Variants in LUC7L3 observed in about 807,000 individuals in gnomAD.
LUC7L3 encodes the protein luc7-like protein 3.
In LUC7L3, 6 loss-of-function variants were observed where a neutral mutation model predicts 66.8. That is an observed-to-expected ratio of 0.09 (90% CI 0.05 to 0.18). The LOEUF (loss-of-function observed/expected upper bound fraction) is 0.18. Ranked by LOEUF, LUC7L3 falls within the 10% of genes least tolerant of loss-of-function variation. The pLI is 1.00. For synonymous variants in LUC7L3, 160 were observed against 174.7 expected (o/e 0.92, Z 0.66); for missense variants, 341 against 531.1 (o/e 0.64, Z 3.52).
intron 9 of LUC7L3, among the ~76,000 whole-genome samples, chr17:50,749,716 T>C (rs1456058291): frequency 6.6e-6 from 1 of 152,198 alleles, no homozygotes; most frequent in Non-Finnish European, 1.5e-5. Context: ...ACATTTTCTG[T>C]AGAAATTTTT....
chr17:50,746,894 G>T (rs780040257), intron 9 of LUC7L3, among the ~76,000 whole-genome samples, 192 bp downstream of exon 9: 5 of 152,142 alleles, frequency 3.3e-5, no homozygotes, highest in Non-Finnish European at 7.4e-5. Context: ...AGTTTATCTG[G>T]TGTTTTCTTA....
intron 9 of LUC7L3, chr17:50,749,119 C>G: frequency 2.2e-6 from 2 of 897,058 alleles, no homozygotes; most frequent in Non-Finnish European, 1.5e-6. Context: ...GTAAGGTGCT[C>G]TCTTTGTCAA....
At chr17:50,731,410 C>T (rs564874905) in intron 1 of LUC7L3, among the ~76,000 whole-genome samples, 3 of 152,140 alleles carry the variant, frequency 2.0e-5, no homozygotes, top group East Asian at 1.9e-4. Flanking sequence ...TCAGGTGATC[C>T]GCCTGCCTCC....
chr17:50,744,594 T>C, intron 6 of LUC7L3, 58 bp from the exon 7 acceptor site: 4 of 1,498,184 alleles, frequency 2.7e-6, no homozygotes, highest in East Asian at 2.3e-5. Context: ...TTGAGTACTT[T>C]CCTGGGATTT....
chr17:50,734,460 C>G (rs150388070), intron 1 of LUC7L3, among the ~76,000 whole-genome samples: 135 of 152,262 alleles, frequency 8.9e-4, no homozygotes, highest in Middle Eastern at 3.4e-3. Flanking sequence ...AGCCACTGTG[C>G]CCAGCCTTTA....
rs1437436908 is a variant in LUC7L3, at chr17:50,751,775, A to G, written c.*1114A>G. 1 of 1,021,366 alleles carries G rather than the reference A, an allele frequency of 9.8e-7. No homozygotes were observed. Among genetic ancestry groups the G allele is most frequent in the Non-Finnish European group, 1.2e-6 (1 of 851,028 alleles). 63.3% of individuals were successfully genotyped at this position (1,021,366 alleles called of 1,614,324 possible). A position where few individuals can be genotyped will look rare whatever the true frequency, so the allele number is the denominator to read the frequency against. On this transcript the variant is annotated 3_prime_UTR_variant, in exon 10 of 10. Transcript: ENST00000505658. The stretch of plus-strand genomic sequence containing the variant: ...GCAGCAGTGTGAATAGCAAGGACAG[A>G]CACCTTCAATTTGTGAAATCAAAGA...
At chr17:50,737,815 A>G (rs962839353) in intron 2 of LUC7L3, among the ~76,000 whole-genome samples, 1 of 152,180 alleles carries the variant, frequency 6.6e-6, no homozygotes, top group Admixed American at 6.5e-5. Flanking sequence ...TTCTGGAGAA[A>G]TTGGACTAGA....
chr17:50,742,571 C>T (rs969174837), intron 5 of LUC7L3, among the ~76,000 whole-genome samples: 6 of 152,156 alleles, frequency 3.9e-5, no homozygotes, highest in African/African-American at 1.4e-4. Context: ...GCTGGCCAAG[C>T]TGGTCTCAAA....
intron 1 of LUC7L3, 129 bp downstream of exon 1, chr17:50,719,960 C>T (rs991073585): frequency 3.9e-6 from 3 of 765,508 alleles, no homozygotes; most frequent in Non-Finnish European, 6.0e-6. Context: ...TGACCCGGTG[C>T]CCATGGAGCC....
chr17:50,739,612 C>G (rs1970214395), intron 2 of LUC7L3, among the ~76,000 whole-genome samples: 1 of 151,950 alleles, frequency 6.6e-6, no homozygotes, highest in Non-Finnish European at 1.5e-5. Context: ...CAAAATTGCG[C>G]CGCTGCACTC....
chr17:50,728,640 G>A (rs1350825241), intron 1 of LUC7L3, among the ~76,000 whole-genome samples: 2 of 152,146 alleles, frequency 1.3e-5, no homozygotes, highest in African/African-American at 2.4e-5. Flanking sequence ...GCAAACCTCC[G>A]CTTCCCAGGT....
chr17:50,746,791 A>C, intron 9 of LUC7L3, 89 bp downstream of exon 9: 1 of 1,097,366 alleles, frequency 9.1e-7, no homozygotes, highest in Non-Finnish European at 1.3e-6. Flanking sequence ...GCAAAGATCC[A>C]TTTCATACAT....
intron 4 of LUC7L3, 170 bp downstream of exon 4, chr17:50,741,416 T>C (rs1970340143): frequency 1.4e-6 from 1 of 738,342 alleles, no homozygotes; most frequent in South Asian, 2.3e-5. Context: ...AACATAACAC[T>C]GATTTTGCTA....
chr17:50,748,593 G>A (rs149165584), intron 9 of LUC7L3, among the ~76,000 whole-genome samples: 1 of 151,994 alleles, frequency 6.6e-6, no homozygotes, highest in African/African-American at 2.4e-5. Context: ...TAAAGTGCTG[G>A]GGTTATAGGT....
intron 1 of LUC7L3, among the ~76,000 whole-genome samples, chr17:50,735,880 C>G (rs1969953525): frequency 6.6e-6 from 1 of 152,208 alleles, no homozygotes; most frequent in Non-Finnish European, 1.5e-5. Context: ...CACCTGTAAT[C>G]CCAGCACGTT....
At position 50,740,208 on chromosome 17, in the gene LUC7L3, CCTTTTT is replaced by C. The variant is rs1437128448; in HGVS notation, c.167-91_167-86del. ...CAAACTACTCAGTGATAAAGTGAAT[CCTTTTT>C]CTTTTTAAAAAGAAAAATAACTCTT... On this transcript the variant is annotated intron_variant, in intron 2 of 9. Coordinates refer to ENST00000505658, the MANE Select transcript of LUC7L3 (RefSeq NM_016424.5). The C allele has an allele frequency of 9.0e-6, 8 of 893,294 alleles. No individual in the cohort carries two copies. In the Admixed American group the frequency reaches 1.3e-4, roughly 14 times the overall value. 55.3% of individuals were successfully genotyped at this position (893,294 alleles called of 1,614,324 possible).
Position 50,740,303 on chromosome 17 carries a change from C to A in LUC7L3, c.167-3C>A, listed in dbSNP as rs1322715338. On this transcript the variant is annotated splice_polypyrimidine_tract_variant and splice_region_variant and intron_variant, in intron 2 of 9. Transcript: ENST00000505658. ...ATTTATACAATTATATTTTTTCCCC[C>A]AGGTCCGTGTGAAAAAATTCATGAT... is the stretch of plus-strand genomic sequence containing the variant. 1.3e-5 allele frequency: 21 copies of A among 1,600,420 alleles called. No homozygotes were observed. Among genetic ancestry groups the A allele is most frequent in the Non-Finnish European group, 1.8e-5 (21 of 1,173,518 alleles).
At chr17:50,736,119 T>G (rs1969970631) in intron 1 of LUC7L3, among the ~76,000 whole-genome samples, 1 of 152,126 alleles carries the variant, frequency 6.6e-6, no homozygotes, top group African/African-American at 2.4e-5. Context: ...GGCAACAGAG[T>G]GAGTGAGACT....
chr17:50,722,569 TTG>T (rs1968858946), intron 1 of LUC7L3: 1 of 152,236 alleles, frequency 6.6e-6, no homozygotes, highest in African/African-American at 2.4e-5. Flanking sequence ...GGGCTTTTAA[TTG>T]TGCATATCTG....
Sources: gnomAD v4.1 joint callset for allele counts (sites outside exome capture counted in the v4.1 genomes callset) on GRCh38, gnomAD v4.1.1 for gene constraint, MANE v1.5 for transcripts, NCBI Gene and HGNC (gene_info 2026-07-23, HGNC 2026-07-21) for gene names.